PPP2R3A: variants seen among roughly 807,000 people sequenced by gnomAD.
PPP2R3A encodes protein phosphatase 2 regulatory subunit B''alpha.
Under a neutral mutation model 106.9 loss-of-function variants are expected in PPP2R3A, and 80 were observed. The ratio of observed to expected loss-of-function variants is 0.75; its 90% CI spans 0.62 to 0.90. PPP2R3A has a LOEUF of 0.90. Ranked by LOEUF, PPP2R3A falls within the 40% of genes least tolerant of loss-of-function variation. The pLI is 0.00. For missense variants in PPP2R3A, 1,386 were observed against 1,350.4 expected, an observed-to-expected ratio of 1.03 and a Z score of -0.41; for synonymous variants, 483 against 468.3, an observed-to-expected ratio of 1.03 and a Z score of -0.41.
chr3:136,129,443 T>TA (rs1325402469), intron 13 of PPP2R3A, among the ~76,000 whole-genome samples: 2 of 152,208 alleles, frequency 1.3e-5, no homozygotes, highest in Admixed American at 1.3e-4. Context: ...CCTGGACAGA[T>TA]ACATCCTCCC....
At chr3:136,135,225 G>A (rs1167981330) in intron 13 of PPP2R3A, among the ~76,000 whole-genome samples, 1 of 152,088 alleles carries the variant, frequency 6.6e-6, no homozygotes, top group Non-Finnish European at 1.5e-5. Flanking sequence ...CTGCTTGCTG[G>A]ATACCCCACT....
chr3:136,010,669 G>A (rs1290032859), intron 2 of PPP2R3A, among the ~76,000 whole-genome samples: 3 of 151,816 alleles, frequency 2.0e-5, no homozygotes, highest in Non-Finnish European at 4.4e-5. Flanking sequence ...CTTGTGATCC[G>A]CCCACCTCGG....
Position 136,026,932 on chromosome 3 carries a change from ATGT to A in PPP2R3A, c.2100_2102del (p.Val701del), listed in dbSNP as rs757137498. 1.3e-5 allele frequency: 21 copies of A among 1,613,534 alleles called. No individual in the cohort carries two copies. The highest frequency in any genetic ancestry group is 8.0e-5 in the African/African-American group (6 of 74,860). ...CTCTCCCCGGTTCCCCATGTGAATA[ATGT>A]TGTGAATGCGCCATTGTCCATAAAC... On this transcript the variant is annotated inframe_deletion, in exon 3 of 14. Transcript: ENST00000264977.
chr3:136,088,072 C>CT, intron 9 of PPP2R3A, 141 bp downstream of exon 9: 1 of 630,722 alleles, frequency 1.6e-6, no homozygotes, highest in East Asian at 2.8e-5. Context: ...TGGCTTAATA[C>CT]AAGACAGTAA....
chr3:135,978,841 C>T (rs1026158245), intron 1 of PPP2R3A, among the ~76,000 whole-genome samples: 1 of 151,812 alleles, frequency 6.6e-6, no homozygotes, highest in Non-Finnish European at 1.5e-5. Flanking sequence ...CTAAGTCCAT[C>T]TTCTCATCAA....
chr3:136,140,772 TG>T (rs1238260138), intron 13 of PPP2R3A, among the ~76,000 whole-genome samples: 2 of 147,970 alleles, frequency 1.4e-5, no homozygotes, highest in Admixed American at 1.3e-4. Context: ...AAGCCGGTTG[TG>T]GTGGCACACG....
intron 8 of PPP2R3A, among the ~76,000 whole-genome samples, chr3:136,087,250 T>TCTCC (rs1553753885): frequency 1.1e-5 from 1 of 91,924 alleles, no homozygotes; most frequent in East Asian, 2.9e-4. Flanking sequence ...GTCGTGTCTC[T>TCTCC]CTCTCTCTCT....
intron 13 of PPP2R3A, among the ~76,000 whole-genome samples, chr3:136,139,821 T>C (rs188888892): frequency 6.6e-6 from 1 of 151,242 alleles, no homozygotes; most frequent in Non-Finnish European, 1.5e-5. Context: ...CTGGCCAACA[T>C]GGTGAAAACC....
At position 136,005,239 on chromosome 3, in the gene PPP2R3A, G is replaced by A. The variant is rs574192084; in HGVS notation, c.1995+1746G>A. Among the ~76,000 whole-genome samples, 241 of 152,124 alleles carry A rather than the reference G, an allele frequency of 1.6e-3. 2 individuals are homozygous for A. The highest frequency in any genetic ancestry group is 5.5e-3 in the African/African-American group (229 of 41,490). On this transcript the variant is annotated intron_variant, in intron 2 of 13. Coordinates refer to ENST00000264977, the MANE Select transcript of PPP2R3A (RefSeq NM_002718.5). ...TGTATATATGAAACAAATAAATTTC[G>A]TGTTTAGACTTGGGCCCCATCCCCA...
At chr3:136,019,701 T>C (rs1286022149) in intron 2 of PPP2R3A, among the ~76,000 whole-genome samples, 1 of 152,084 alleles carries the variant, frequency 6.6e-6, no homozygotes, top group Non-Finnish European at 1.5e-5. Context: ...AAAAAGCAAA[T>C]AAACCAACTT....
intron 1 of PPP2R3A, among the ~76,000 whole-genome samples, chr3:135,991,919 T>G (rs1158253016): frequency 6.6e-6 from 1 of 152,220 alleles, no homozygotes; most frequent in Non-Finnish European, 1.5e-5. Context: ...TATATTACCC[T>G]TAGCCTCATT....
intron 13 of PPP2R3A, among the ~76,000 whole-genome samples, chr3:136,144,426 C>T (rs1939014684): frequency 1.3e-5 from 2 of 152,130 alleles, no homozygotes; most frequent in East Asian, 3.9e-4. Context: ...TTTGAGAGGC[C>T]AAAGTGGGCA....
At chr3:136,087,698 C>A (rs1936989154) in intron 8 of PPP2R3A, 185 bp from the exon 9 acceptor site, 3 of 493,976 alleles carry the variant, frequency 6.1e-6, no homozygotes, top group Non-Finnish European at 1.1e-5. Context: ...CAGCCACATT[C>A]ATTTGCCTGT....
intron 1 of PPP2R3A, among the ~76,000 whole-genome samples, chr3:135,986,503 G>A (rs962860779): frequency 6.6e-6 from 1 of 151,806 alleles, no homozygotes; most frequent in Admixed American, 6.6e-5. Context: ...ATGTTACCTG[G>A]CTATTATACT....
At chr3:136,127,378 AC>A (rs1938220849) in intron 13 of PPP2R3A, among the ~76,000 whole-genome samples, 1 of 152,160 alleles carries the variant, frequency 6.6e-6, no homozygotes, top group African/African-American at 2.4e-5. Context: ...ACAAGCTTCA[AC>A]AGCTGATTCG....
chr3:136,110,220 T>C (rs1937573737), intron 13 of PPP2R3A, among the ~76,000 whole-genome samples: 1 of 151,782 alleles, frequency 6.6e-6, no homozygotes, highest in South Asian at 2.1e-4. Flanking sequence ...TGGACAAATA[T>C]CAAACAGTTA....
chr3:136,023,806 C>T (rs1312784031), intron 2 of PPP2R3A, among the ~76,000 whole-genome samples: 1 of 152,074 alleles, frequency 6.6e-6, no homozygotes, highest in Non-Finnish European at 1.5e-5. Context: ...GCAATTGAGT[C>T]ATTTCTGCCT....
chr3:136,118,131 T>G (rs1476127647), intron 13 of PPP2R3A, among the ~76,000 whole-genome samples: 1 of 152,194 alleles, frequency 6.6e-6, no homozygotes, highest in Non-Finnish European at 1.5e-5. Flanking sequence ...AAAAACCGCA[T>G]GGTTATCTCA....
At chr3:136,021,936 A>G in intron 2 of PPP2R3A, among the ~76,000 whole-genome samples, 1 of 152,164 alleles carries the variant, frequency 6.6e-6, no homozygotes. Flanking sequence ...AGTAGGTTGT[A>G]TGCAAATATT....
Sources: allele counts gnomAD v4.1 joint callset (sites outside exome capture counted in the v4.1 genomes callset), GRCh38; gene constraint gnomAD v4.1.1; transcripts MANE v1.5; gene names NCBI Gene and HGNC (gene_info 2026-07-23, HGNC 2026-07-21).